HFM1: variants seen among roughly 807,000 people sequenced by gnomAD.
HFM1 encodes probable ATP-dependent DNA helicase HFM1.
A neutral mutation model predicts 192.1 loss-of-function variants in HFM1; 169 were observed. The observed-to-expected ratio is 0.88, with a 90% CI of 0.78 to 1.00. The LOEUF is 1.00. HFM1 is among the 50% of genes least tolerant of loss of function. HFM1 has a pLI of 0.00. For missense variants in HFM1, 1,661 were observed against 1,668.0 expected, an observed-to-expected ratio of 1.00 and a Z score of 0.07; for synonymous variants, 525 against 537.8, an observed-to-expected ratio of 0.98 and a Z score of 0.33.
At chr1:91,265,894 A>G in intron 36 of HFM1, 123 bp downstream of exon 36, 1 of 1,289,580 alleles carries the variant, frequency 7.8e-7, no homozygotes, top group Non-Finnish European at 1.0e-6. Flanking sequence ...TAAGATTAAG[A>G]GGGTTTAGGT....
At chr1:91,404,879 TCCAAGCAATGGATCGCCCAAGCC>T (rs954344892), upstream of HFM1, 1 of 455,314 alleles carries the variant, frequency 2.2e-6, no homozygotes, top group African/African-American at 2.0e-5. Flanking sequence ...TAAGCCGAGC[TCCAAGCAATGGATCGCCCAAGCC>T]CCCAACCTCT....
intron 20 of HFM1, chr1:91,328,598 G>A (rs1184280115): frequency 1.4e-5 from 22 of 1,605,330 alleles, no homozygotes; most frequent in South Asian, 1.0e-4. Context: ...CGCACTATTC[G>A]CGTGATGGAG....
At chr1:91,312,939 C>T (rs563070278) in intron 30 of HFM1, among the ~76,000 whole-genome samples, 14 of 152,174 alleles carry the variant, frequency 9.2e-5, no homozygotes, top group African/African-American at 9.6e-5. Context: ...ATGGGCTTAT[C>T]GGGGTTTCTG....
intron 30 of HFM1, among the ~76,000 whole-genome samples, chr1:91,295,224 A>T (rs1217994213): frequency 6.6e-6 from 1 of 152,200 alleles, no homozygotes; most frequent in Non-Finnish European, 1.5e-5. Flanking sequence ...TTATACATAT[A>T]GGAGTTCTTT....
intron 2 of HFM1, among the ~76,000 whole-genome samples, chr1:91,398,070 T>A (rs1217763944): frequency 6.6e-6 from 1 of 152,210 alleles, no homozygotes; most frequent in Admixed American, 6.5e-5. Flanking sequence ...ATGGAAGGGA[T>A]CTTCCTGAAA....
chr1:91,315,949 C>G lies in HFM1; in HGVS notation c.3006G>C (p.Thr1002=). 1 of 1,589,810 alleles carries G rather than the reference C, an allele frequency of 6.3e-7. No individual in the cohort carries two copies. Among genetic ancestry groups the G allele is most frequent in the East Asian group, 2.2e-5 (1 of 44,634 alleles). ...ATATAACAGTCACTAATATTTCTGC[C>G]GTCGTATCACTATATCTTGTAATCT... ...VEQITRYSDT[T]AEILVTVILR... The change falls in exon 28 of 39, where the codon ACG becomes ACC. Residue 1002 remains threonine (T), a synonymous_variant. Coordinates refer to ENST00000370425, the MANE Select transcript of HFM1 (RefSeq NM_001017975.6).
At chr1:91,383,177 G>A (rs1661763006) in intron 6 of HFM1, among the ~76,000 whole-genome samples, 1 of 152,002 alleles carries the variant, frequency 6.6e-6, no homozygotes, top group Admixed American at 6.6e-5. Context: ...AACTAATAAA[G>A]ACCCCTAAAC....
intron 13 of HFM1, among the ~76,000 whole-genome samples, chr1:91,369,948 G>T (rs536507331): frequency 1.1e-3 from 174 of 152,286 alleles, no homozygotes; most frequent in South Asian, 7.3e-3. Context: ...TACCATCAGA[G>T]AATACTATAA....
intron 13 of HFM1, among the ~76,000 whole-genome samples, chr1:91,370,759 A>G (rs1327386263): frequency 1.3e-5 from 2 of 152,072 alleles, no homozygotes; most frequent in Non-Finnish European, 2.9e-5. Context: ...GGCAGGAGAA[A>G]GAAATAAAGG....
chr1:91,305,834 C>G (rs1649521067), intron 30 of HFM1, among the ~76,000 whole-genome samples: 1 of 152,068 alleles, frequency 6.6e-6, no homozygotes, highest in African/African-American at 2.4e-5. Flanking sequence ...TCCCAAAGTT[C>G]TGGGATTATA....
chr1:91,385,899 T>C, intron 4 of HFM1, 65 bp from the exon 5 acceptor site: 1 of 1,384,692 alleles, frequency 7.2e-7, no homozygotes, highest in African/African-American at 1.4e-5. Flanking sequence ...TATGAAAAAC[T>C]AGCATAAAAT....
intron 30 of HFM1, among the ~76,000 whole-genome samples, chr1:91,289,557 T>A (rs1668467413): frequency 6.6e-6 from 1 of 152,110 alleles, no homozygotes; most frequent in Non-Finnish European, 1.5e-5. Flanking sequence ...GCCACTGCAC[T>A]CCAGCCTGGG....
rs1379461543 is a variant in HFM1 at position 91,277,030 on chromosome 1, C to T, written c.3424G>A (p.Glu1142Lys). The T allele has an allele frequency of 5.0e-6, 8 of 1,598,304 alleles. No individual in the cohort carries two copies. Among genetic ancestry groups the T allele is most frequent in the African/African-American group, 1.3e-5 (1 of 74,680 alleles). The change falls in exon 31 of 39, where the codon GAA becomes AAA. Residue 1142 changes from glutamate to lysine, a missense_variant. Coordinates refer to ENST00000370425, the MANE Select transcript of HFM1 (RefSeq NM_001017975.6). Reference sequence around the variant, plus strand: ...TTACTTTTACAAAGATGATTGCATTCTCGGTTCCCAGGTTTTTTGCTGGCA... The same window carrying T: ...TTACTTTTACAAAGATGATTGCATTTTCGGTTCCCAGGTTTTTTGCTGGCA... Reference protein sequence around the residue: ...TTASKKPGNRECNHLCKSKHT... With the variant: ...TTASKKPGNRKCNHLCKSKHT...
rs1285142200 is a variant in HFM1 at position 91,378,018 on chromosome 1, A to T, written c.1395+7T>A. Reference sequence around the variant, plus strand: ...AACCTAAGAGCTCAGTTAAAATTGTAACTCACATCCTCAGCATTTGGAATT... The same window carrying T: ...AACCTAAGAGCTCAGTTAAAATTGTTACTCACATCCTCAGCATTTGGAATT... On this transcript the variant is annotated splice_region_variant and intron_variant, in intron 11 of 38. Coordinates refer to ENST00000370425, the MANE Select transcript of HFM1 (RefSeq NM_001017975.6). 1.2e-6 allele frequency: 2 copies of T among 1,608,244 alleles called. No homozygotes were observed. The highest frequency in any genetic ancestry group is 2.7e-5 in the African/African-American group (2 of 74,668).
intron 33 of HFM1, among the ~76,000 whole-genome samples, 189 bp from the exon 34 acceptor site, chr1:91,274,004 C>A (rs1334683322): frequency 6.6e-6 from 1 of 151,996 alleles, no homozygotes; most frequent in Non-Finnish European, 1.5e-5. Context: ...CTTTACATGC[C>A]CTTAGTTAGA....
At chr1:91,299,933 T>A (rs1648409071) in intron 30 of HFM1, among the ~76,000 whole-genome samples, 1 of 151,590 alleles carries the variant, frequency 6.6e-6, no homozygotes, top group Non-Finnish European at 1.5e-5. Context: ...ATAACTAAGA[T>A]CAGAGCAGAA....
chr1:91,286,128 C>T (rs545733272), intron 30 of HFM1, among the ~76,000 whole-genome samples: 1 of 152,200 alleles, frequency 6.6e-6, no homozygotes, highest in Non-Finnish European at 1.5e-5. Flanking sequence ...TCAGTACTAC[C>T]CACAACAGAG....
rs780529773 is a variant in HFM1 at position 91,262,345 on chromosome 1, C to T, written c.4134G>A (p.Glu1378=). 1.2e-5 allele frequency: 19 copies of T among 1,572,906 alleles called. No homozygotes were observed. Among genetic ancestry groups the T allele is most frequent in the Middle Eastern group, 1.7e-4 (1 of 5,966 alleles). Residue 1378 remains glutamate, a synonymous_variant, in exon 38 of 39, where the codon GAG becomes GAA. Transcript: ENST00000370425. ...RKPQNLSPEI[E]KQCFTFSEKN... ...TTTCAGAGAAAGTAAAGCATTGCTT[C>T]TCAATCTCTGGTGACAGATTTTGTG... is the stretch of plus-strand genomic sequence containing the variant.
At chr1:91,379,356 A>C in intron 8 of HFM1, 142 bp from the exon 9 acceptor site, 1 of 647,720 alleles carries the variant, frequency 1.5e-6, no homozygotes, top group East Asian at 2.9e-5. Flanking sequence ...CAATATAGGC[A>C]CATTATTTAC....
Sources: allele counts gnomAD v4.1 joint callset (sites outside exome capture counted in the v4.1 genomes callset), GRCh38; gene constraint gnomAD v4.1.1; transcripts MANE v1.5; gene names NCBI Gene and HGNC (gene_info 2026-07-23, HGNC 2026-07-21).